Variants in PRKCE observed in about 807,000 individuals in gnomAD.
The protein encoded by PRKCE is protein kinase C epsilon type.
A neutral mutation model predicts 85.4 loss-of-function variants in PRKCE; 16 were observed. The ratio of observed to expected loss-of-function variants is 0.19; its 90% CI spans 0.13 to 0.28. The LOEUF (loss-of-function observed/expected upper bound fraction) is 0.28. Among genes scored for constraint, PRKCE ranks in the 10% least tolerant of loss-of-function variants. The pLI, the probability that PRKCE is intolerant of heterozygous loss-of-function variation, is 1.00. For missense variants in PRKCE, 573 were observed against 975.2 expected (o/e 0.59, Z 5.49); for synonymous variants, 388 against 371.5 (o/e 1.04, Z -0.51).
intron 1 of PRKCE, among the ~76,000 whole-genome samples, chr2:45,701,784 C>T (rs1162037822): frequency 2.0e-5 from 3 of 152,210 alleles, no homozygotes; most frequent in South Asian, 4.1e-4. Context: ...AAAGCCTCAC[C>T]TATTACACAG....
intron 1 of PRKCE, among the ~76,000 whole-genome samples, chr2:45,718,688 A>T (rs1680363354): frequency 6.6e-6 from 1 of 152,080 alleles, no homozygotes; most frequent in African/African-American, 2.4e-5. Context: ...AAGTCAGGAA[A>T]ATTGTGTGTT....
At chr2:45,776,238 G>A (rs1297862274) in intron 1 of PRKCE, among the ~76,000 whole-genome samples, 1 of 152,154 alleles carries the variant, frequency 6.6e-6, no homozygotes, top group African/African-American at 2.4e-5. Context: ...TCTGAGAAAA[G>A]GCGACCTGAT....
intron 2 of PRKCE, among the ~76,000 whole-genome samples, chr2:45,921,887 C>T (rs1027598955): frequency 5.3e-5 from 8 of 152,142 alleles, no homozygotes; most frequent in African/African-American, 1.9e-4. Context: ...AGGCAGTCAA[C>T]TGATTTCTAT....
chr2:45,981,340 C>T (rs551743953), intron 5 of PRKCE, among the ~76,000 whole-genome samples: 10 of 152,278 alleles, frequency 6.6e-5, no homozygotes, highest in African/African-American at 2.4e-4. Flanking sequence ...AGAGAAAGGC[C>T]TTGGGTAGGT....
chr2:45,882,018 C>A, intron 2 of PRKCE, among the ~76,000 whole-genome samples: 1 of 151,972 alleles, frequency 6.6e-6, no homozygotes, highest in African/African-American at 2.4e-5. Context: ...GTCTGACTGG[C>A]CAGGGGGGAA....
intron 10 of PRKCE, among the ~76,000 whole-genome samples, chr2:46,045,680 A>C (rs2098374496): frequency 6.6e-6 from 1 of 152,128 alleles, no homozygotes; most frequent in Non-Finnish European, 1.5e-5. Context: ...GGAGTTCGCA[A>C]CCAGCCTGGC....
intron 10 of PRKCE, among the ~76,000 whole-genome samples, chr2:46,061,104 C>CTTTTTTTTTTTTTT (rs565280374): frequency 9.7e-6 from 1 of 103,486 alleles, no homozygotes; most frequent in African/African-American, 4.0e-5. Context: ...CTTTTTTTTC[C>CTTTTTTTTTTTTTT]TTTTTTTTTT....
At chr2:45,917,819 G>A (rs1049310442) in intron 2 of PRKCE, among the ~76,000 whole-genome samples, 16 of 152,212 alleles carry the variant, frequency 1.1e-4, no homozygotes, top group Admixed American at 6.5e-5. Flanking sequence ...CCTGCCCCGC[G>A]GGAAGGCAGC....
chr2:46,098,784 T>A (rs1424396890), intron 11 of PRKCE, among the ~76,000 whole-genome samples: 1 of 152,216 alleles, frequency 6.6e-6, no homozygotes, highest in Non-Finnish European at 1.5e-5. Flanking sequence ...ATCATTAGAT[T>A]GAGCTACTAA....
rs115494869 is a variant in PRKCE, at chr2:46,053,032, G to A, written c.1438-33176G>A. 2.1e-3 allele frequency among the ~76,000 whole-genome samples: 314 copies of A among 152,334 alleles called. 2 individuals carry two copies. Among genetic ancestry groups the A allele is most frequent in the African/African-American group, 6.6e-3 (273 of 41,580 alleles). On this transcript the variant is annotated intron_variant, in intron 10 of 14. Coordinates refer to ENST00000306156, the MANE Select transcript of PRKCE (RefSeq NM_005400.3). ...GTCACCCAACTGCCTGTGAACTTAC[G>A]GATGAGAAAGCTGAAGGCCAAGGGA...
At chr2:46,121,874 A>G (rs948522316) in intron 11 of PRKCE, among the ~76,000 whole-genome samples, 1 of 152,188 alleles carries the variant, frequency 6.6e-6, no homozygotes, top group Non-Finnish European at 1.5e-5. Flanking sequence ...CAGTCAGCTC[A>G]CTCAGCTGGA....
intron 1 of PRKCE, among the ~76,000 whole-genome samples, chr2:45,835,281 G>A (rs939248354): frequency 8.5e-5 from 13 of 152,158 alleles, no homozygotes; most frequent in African/African-American, 3.1e-4. Context: ...GCTTCATTGA[G>A]GTATAATTTA....
chr2:45,722,867 G>A (rs1447222814), intron 1 of PRKCE, among the ~76,000 whole-genome samples: 2 of 152,208 alleles, frequency 1.3e-5, no homozygotes, highest in African/African-American at 4.8e-5. Context: ...TTGGGAGGCC[G>A]AGGTGGGCAG....
chr2:45,833,130 C>T (rs1322754362), intron 1 of PRKCE, among the ~76,000 whole-genome samples: 1 of 86,116 alleles, frequency 1.2e-5, no homozygotes, highest in Admixed American at 1.5e-4. Context: ...CCAGCCTGGG[C>T]AACATGGCAA....
chr2:45,903,887 T>TTTTTGTTTG (rs1553445440), intron 2 of PRKCE, among the ~76,000 whole-genome samples: 5 of 102,612 alleles, frequency 4.9e-5, no homozygotes, highest in Non-Finnish European at 1.1e-4. Flanking sequence ...GGCAGTTTTT[T>TTTTTGTTTG]TTTGTTTGTT....
chr2:46,006,899 T>C (rs1705250607), intron 8 of PRKCE, among the ~76,000 whole-genome samples: 1 of 152,186 alleles, frequency 6.6e-6, no homozygotes, highest in South Asian at 2.1e-4. Flanking sequence ...TAGATAACCT[T>C]GTGTAAGATG....
intron 2 of PRKCE, among the ~76,000 whole-genome samples, chr2:45,906,208 A>G (rs1696963291): frequency 6.6e-6 from 1 of 152,236 alleles, no homozygotes; most frequent in Non-Finnish European, 1.5e-5. Context: ...CCTACTGGGC[A>G]TCTTCTGGTC....
intron 1 of PRKCE, among the ~76,000 whole-genome samples, chr2:45,771,304 C>T (rs1339935654): frequency 6.6e-6 from 1 of 152,198 alleles, no homozygotes; most frequent in African/African-American, 2.4e-5. Context: ...TTATATAGGG[C>T]TCCAAGAGGC....
intron 12 of PRKCE, among the ~76,000 whole-genome samples, chr2:46,146,482 A>C (rs1676082020): frequency 6.6e-6 from 1 of 152,280 alleles, no homozygotes; most frequent in Non-Finnish European, 1.5e-5. Flanking sequence ...CAGAATAAAT[A>C]GGCACATAAA....
Sources: gnomAD v4.1 joint callset for allele counts (sites outside exome capture counted in the v4.1 genomes callset) on GRCh38, gnomAD v4.1.1 for gene constraint, MANE v1.5 for transcripts, NCBI Gene and HGNC (gene_info 2026-07-23, HGNC 2026-07-21) for gene names.